CRKL: variants seen among roughly 807,000 people sequenced by gnomAD.
CRKL encodes the protein crk-like protein.
A neutral mutation model predicts 23.0 loss-of-function variants in CRKL; 3 were observed. The observed-to-expected ratio is 0.13, with a 90% CI of 0.06 to 0.34. CRKL has a LOEUF of 0.34. Among genes scored for constraint, CRKL ranks in the 10% least tolerant of loss-of-function variants. CRKL has a pLI of 1.00. For synonymous variants in CRKL, 188 were observed against 160.7 expected, an observed-to-expected ratio of 1.17 and a Z score of -1.28; for missense variants, 256 against 394.5, an observed-to-expected ratio of 0.65 and a Z score of 2.97.
At chr22:20,935,155 C>G (rs1466326651) in intron 2 of CRKL, among the ~76,000 whole-genome samples, 1 of 151,818 alleles carries the variant, frequency 6.6e-6, no homozygotes, top group Non-Finnish European at 1.5e-5. Context: ...CTTTGTCACC[C>G]AGGCTCCAGC....
Position 20,953,659 on chromosome 22 carries a change from C to T in CRKL, c.*3814C>T, listed in dbSNP as rs908780852. ...CTTTTTATTTTTGTATTCCGTTTTA[C>T]GTTACTGGTCCCAGCATCAAAACCC... On this transcript the variant is annotated 3_prime_UTR_variant, in exon 3 of 3. Transcript: ENST00000354336. The T allele has an allele frequency of 2.5e-5, 5 of 199,168 alleles. No individual in the cohort carries two copies. The highest frequency in any genetic ancestry group is 4.1e-5 in the Non-Finnish European group (4 of 96,442). 12.3% of individuals were successfully genotyped at this position (199,168 alleles called of 1,614,324 possible).
chr22:20,934,218 T>C lies in CRKL; in HGVS notation c.751T>C (p.Tyr251His). ...AATCCAGAAAAGAGTACCCTGTGCT[T>C]ATGACAAGACTGCCTTGGCATTAGA... ...KAIQKRVPCA[Y>H]DKTALALEVG... The change falls in exon 2 of 3, where the codon TAT becomes CAT. Residue 251 changes from tyrosine (Y) to histidine (H), a missense_variant. Tyr to His is a moderately conservative substitution (Grantham distance 83). Transcript: ENST00000354336. The C allele has an allele frequency of 6.2e-7, 1 of 1,613,696 alleles. No homozygotes were observed. Among genetic ancestry groups the C allele is most frequent in the Non-Finnish European group, 8.5e-7 (1 of 1,179,610 alleles).
At chr22:20,940,379 C>CA (rs1921826935) in intron 2 of CRKL, among the ~76,000 whole-genome samples, 1 of 152,052 alleles carries the variant, frequency 6.6e-6, no homozygotes, top group Non-Finnish European at 1.5e-5. Context: ...ATTTCAAGCT[C>CA]ACTGTTTTAC....
rs1922320203 is a variant in CRKL at position 20,952,640 on chromosome 22, C to G, written c.*2795C>G. Reference sequence around the variant, plus strand: ...CTCCATAGAGCAGTGCACATCTGACCCAGAGGGTGGGTGTTCATAACTGCT... The same window carrying G: ...CTCCATAGAGCAGTGCACATCTGACGCAGAGGGTGGGTGTTCATAACTGCT... On this transcript the variant is annotated 3_prime_UTR_variant, in exon 3 of 3. Coordinates refer to ENST00000354336, the MANE Select transcript of CRKL (RefSeq NM_005207.4). 1 of 232,410 alleles carries G rather than the reference C, an allele frequency of 4.3e-6. No individual in the cohort carries two copies. The highest frequency in any genetic ancestry group is 1.8e-4 in the South Asian group (1 of 5,526). The allele number at this position is 232,410 out of a possible 1,614,324, so 14.4% of individuals were successfully genotyped here. A position where few individuals can be genotyped will look rare whatever the true frequency, so the allele number is the denominator to read the frequency against.
rs1555918902 is a variant in CRKL, at chr22:20,927,128, A to AAAAAAAAAAAAAAAAAAAAAAAAG, written c.312-6643_312-6642insAAAAAAAAAAAAAAAGAAAAAAAA. Among the ~76,000 whole-genome samples the AAAAAAAAAAAAAAAAAAAAAAAAG allele has an allele frequency of 3.7e-4, 47 of 125,800 alleles. 1 individual carries two copies. The highest frequency in any genetic ancestry group is 9.2e-4 in the East Asian group (3 of 3,248). 82.5% of individuals were successfully genotyped at this position (125,800 alleles called of 152,430 possible). ...CTCCGTCTCAAAAAAAAAAAAAAAA[A>AAAAAAAAAAAAAAAAAAAAAAAAG]AAAAAAAAGAATGGTGGTTAAAGCA... On this transcript the variant is annotated intron_variant, in intron 1 of 2. Coordinates refer to ENST00000354336, the MANE Select transcript of CRKL (RefSeq NM_005207.4).
intron 1 of CRKL, among the ~76,000 whole-genome samples, chr22:20,926,330 T>C (rs1921200315): frequency 6.6e-6 from 1 of 152,118 alleles, no homozygotes; most frequent in Admixed American, 6.6e-5. Flanking sequence ...GAGAAACTGC[T>C]CTGGGTGGGG....
intron 2 of CRKL, among the ~76,000 whole-genome samples, chr22:20,940,737 G>A (rs1921843259): frequency 1.3e-5 from 2 of 151,922 alleles, no homozygotes; most frequent in Admixed American, 1.3e-4. Context: ...TTCAAAACCT[G>A]TAGTAATTTG....
In CRKL at chr22:20,934,003, A is replaced by G. The variant is rs1217926975; in HGVS notation, c.536A>G (p.Glu179Gly). The G allele has an allele frequency of 1.2e-6, 2 of 1,614,194 alleles. No homozygotes were observed. The highest frequency in any genetic ancestry group is 1.1e-5 in the South Asian group (1 of 91,084). Residue 179 changes from glutamate to glycine, a missense_variant, in exon 2 of 3, where the codon GAA (glutamate) becomes GGA (glycine). Around this residue, in one of 3 missense-constraint regions of CRKL, gnomAD observed 129 missense variants for 222.1 expected, o/e 0.58. Coordinates refer to ENST00000354336, the MANE Select transcript of CRKL (RefSeq NM_005207.4). ...RVGMIPVPYVEKLVRSSPHGK... is the reference protein window; with the variant it reads ...RVGMIPVPYVGKLVRSSPHGK... The stretch of plus-strand genomic sequence containing the variant: ...GGGATGATTCCTGTCCCTTATGTCG[A>G]AAAGCTTGTGAGATCCTCACCACAC...
rs1929734179 is a variant in CRKL at position 20,917,539 on chromosome 22, C to T, written c.-396C>T. 7.2e-6 allele frequency: 2 copies of T among 277,072 alleles called. No individual in the cohort carries two copies. Among genetic ancestry groups the T allele is most frequent in the Non-Finnish European group, 1.4e-5 (2 of 147,940 alleles). The allele number at this position is 277,072 out of a possible 1,614,324, so 17.2% of individuals were successfully genotyped here. On this transcript the variant is annotated 5_prime_UTR_variant, in exon 1 of 3. Transcript: ENST00000354336. ...GCGCGACGCTCCTTCGAGTTCGGTGCCTCGTGTGACGGCGGGGGTCGGTGA... is the reference window on the plus strand; with the variant it reads ...GCGCGACGCTCCTTCGAGTTCGGTGTCTCGTGTGACGGCGGGGGTCGGTGA...
chr22:20,924,730 C>T (rs547375897), intron 1 of CRKL, among the ~76,000 whole-genome samples: 19 of 152,166 alleles, frequency 1.2e-4, no homozygotes, highest in Admixed American at 3.3e-4. Flanking sequence ...CGGCGTGTGC[C>T]TAAGAGGCTA....
In CRKL at chr22:20,917,908, C is replaced by T. The variant is rs2147891141; in HGVS notation, c.-27C>T. The T allele has an allele frequency of 6.2e-7, 1 of 1,602,366 alleles. No individual in the cohort carries two copies. The highest frequency in any genetic ancestry group is 1.3e-5 in the African/African-American group (1 of 74,730). On this transcript the variant is annotated 5_prime_UTR_variant, in exon 1 of 3. Transcript: ENST00000354336. ...CAGGCGAGGACAGCCGCCGCCCCTA[C>T]CGCCGCAGAGTCCCCGGTCCAACAC...
intron 2 of CRKL, among the ~76,000 whole-genome samples, chr22:20,934,478 C>T (rs146919896): frequency 6.6e-6 from 1 of 152,234 alleles, no homozygotes; most frequent in East Asian, 1.9e-4. Context: ...TCAAGCAATC[C>T]TCCTACCTCG....
intron 1 of CRKL, among the ~76,000 whole-genome samples, chr22:20,923,608 C>G (rs1261645115): frequency 8.5e-6 from 1 of 117,450 alleles, no homozygotes; most frequent in Non-Finnish European, 1.7e-5. Flanking sequence ...CAGAGTCTTG[C>G]TCTGTTGCCA....
intron 2 of CRKL, among the ~76,000 whole-genome samples, chr22:20,939,767 G>GATCT (rs1422412882): frequency 6.7e-6 from 1 of 149,230 alleles, no homozygotes; most frequent in East Asian, 2.0e-4. Flanking sequence ...CTTGTCATAT[G>GATCT]ATCTGCGTAC....
In CRKL at chr22:20,917,626, G is replaced by A. The variant is rs1165385767; in HGVS notation, c.-309G>A. On this transcript the variant is annotated 5_prime_UTR_variant, in exon 1 of 3. Coordinates refer to ENST00000354336, the MANE Select transcript of CRKL (RefSeq NM_005207.4). ...CGGGAGTCACTGGAGGCACCCCTGG[G>A]ACGCCGAGCAGCCCGAGAACCCCGG... 1 of 413,852 alleles carries A rather than the reference G, an allele frequency of 2.4e-6. No homozygotes were observed. The highest frequency in any genetic ancestry group is 4.2e-5 in the East Asian group (1 of 23,942). The allele number at this position is 413,852 out of a possible 1,614,324, so 25.6% of individuals were successfully genotyped here. A position where few individuals can be genotyped will look rare whatever the true frequency, so the allele number is the denominator to read the frequency against.
chr22:20,928,438 T>C (rs965926242), intron 1 of CRKL, among the ~76,000 whole-genome samples: 1 of 151,128 alleles, frequency 6.6e-6, no homozygotes, highest in Non-Finnish European at 1.5e-5. Context: ...GCCTGGGCCA[T>C]AGAGCAAGAC....
chr22:20,925,832 A>C (rs931797905), intron 1 of CRKL, among the ~76,000 whole-genome samples: 1 of 152,238 alleles, frequency 6.6e-6, no homozygotes, highest in African/African-American at 2.4e-5. Flanking sequence ...AGAAACAAAA[A>C]AGGAGGGAAA....
At chr22:20,932,013 G>T (rs1022330861) in intron 1 of CRKL, among the ~76,000 whole-genome samples, 2 of 151,472 alleles carry the variant, frequency 1.3e-5, no homozygotes, top group Non-Finnish European at 2.9e-5. Context: ...GGGTTTCACC[G>T]TGTTAGCCAG....
In CRKL at chr22:20,950,559, G is replaced by A. The variant is rs536495152; in HGVS notation, c.*714G>A. 5 of 222,964 alleles carry A rather than the reference G, an allele frequency of 2.2e-5. No individual in the cohort carries two copies. Among genetic ancestry groups the A allele is most frequent in the East Asian group, 2.0e-4 (3 of 15,222 alleles). The allele number at this position is 222,964 out of a possible 1,614,324, so 13.8% of individuals were successfully genotyped here. A position where few individuals can be genotyped will look rare whatever the true frequency, so the allele number is the denominator to read the frequency against. On this transcript the variant is annotated 3_prime_UTR_variant, in exon 3 of 3. Transcript: ENST00000354336. ...CTCCCAAGTAGCTGGGACTGCAGGC[G>A]CGCACACCACGCCCAGCTAATTTTT...
Sources: allele counts gnomAD v4.1 joint callset (sites outside exome capture counted in the v4.1 genomes callset), GRCh38; gene constraint gnomAD v4.1.1; regional missense constraint gnomAD v4.1.1; transcripts MANE v1.5; gene names NCBI Gene and HGNC (gene_info 2026-07-23, HGNC 2026-07-21).